LARP7: variants seen among roughly 807,000 people sequenced by gnomAD.
LARP7 encodes the protein la-related protein 7.
In LARP7, 52 loss-of-function variants were observed where a neutral mutation model predicts 69.3. That is an observed-to-expected ratio of 0.75 (90% CI 0.60 to 0.95). LARP7 has a LOEUF of 0.95. Ranked by LOEUF, LARP7 falls within the 40% of genes least tolerant of loss-of-function variation. The pLI is 0.00. For missense variants in LARP7, 733 were observed against 673.0 expected (o/e 1.09, Z -0.99); for synonymous variants, 254 against 215.9 (o/e 1.18, Z -1.55).
intron 1 of LARP7, among the ~76,000 whole-genome samples, chr4:112,638,441 C>T (rs2047799160): frequency 6.6e-6 from 1 of 152,128 alleles, no homozygotes; most frequent in African/African-American, 2.4e-5. Flanking sequence ...ATTTTTCAAC[C>T]CTGTAACTCG....
At position 112,649,664 on chromosome 4, in the gene LARP7, C is replaced by T; in HGVS notation, c.1272C>T (p.Asn424=). The change falls in exon 9 of 13, where the codon AAC becomes AAT. Residue 424 remains asparagine, a synonymous_variant. Coordinates refer to ENST00000344442, the MANE Select transcript of LARP7 (RefSeq NM_016648.4). ...AAACAGACAGTGGAGTACCTCAAAA[C>T]ACTGGAATGAAAAATGAAAAAAGTA... ...EMETDSGVPQ[N]TGMKNEKTAN... 6.3e-7 allele frequency: 1 copy of T among 1,596,624 alleles called. No homozygotes were observed. Among genetic ancestry groups the T allele is most frequent in the Non-Finnish European group, 8.5e-7 (1 of 1,173,236 alleles).
At chr4:112,648,648 T>C (rs540532231) in intron 8 of LARP7, 2 of 419,722 alleles carry the variant, frequency 4.8e-6, no homozygotes, top group Admixed American at 2.9e-5. Flanking sequence ...AAAAAAATTT[T>C]TTTACCTTCC....
At chr4:112,637,305 T>C (rs1560906543) in intron 1 of LARP7, 66 bp downstream of exon 1, 1 of 152,426 alleles carries the variant, frequency 6.6e-6, no homozygotes, top group African/African-American at 2.4e-5. Flanking sequence ...TCCGTCCTTT[T>C]TCTTGCGGTC....
At chr4:112,655,420 G>A (rs888864681) in intron 12 of LARP7, 3 of 152,180 alleles carry the variant, frequency 2.0e-5, no homozygotes, top group South Asian at 2.1e-4. Flanking sequence ...CAGTTATGAC[G>A]TCAGGATTGT....
chr4:112,649,315 A>G (rs962304158), intron 8 of LARP7, among the ~76,000 whole-genome samples: 1 of 152,162 alleles, frequency 6.6e-6, no homozygotes, highest in East Asian at 1.9e-4. Flanking sequence ...TTAATTGGCA[A>G]TCTTAAAACA....
chr4:112,646,482 TTA>T (rs1374988154), intron 3 of LARP7, 31 bp downstream of exon 3: 2 of 1,357,864 alleles, frequency 1.5e-6, no homozygotes, highest in Non-Finnish European at 1.0e-6. Context: ...CTGTTTATAT[TTA>T]TAGTTTATAA....
At chr4:112,652,945 G>T (rs2149284239) in intron 10 of LARP7, 132 bp from the exon 11 acceptor site, 1 of 486,998 alleles carries the variant, frequency 2.1e-6, no homozygotes, top group Non-Finnish European at 3.4e-6. Flanking sequence ...TTTGATACAG[G>T]ATATTTGCTC....
chr4:112,652,615 T>G (rs2048796644), intron 10 of LARP7, among the ~76,000 whole-genome samples: 1 of 152,116 alleles, frequency 6.6e-6, no homozygotes, highest in Non-Finnish European at 1.5e-5. Context: ...TTTCATGAGT[T>G]GTTATTAAAA....
chr4:112,637,658 C>T (rs1013404576), intron 1 of LARP7: 1 of 152,208 alleles, frequency 6.6e-6, no homozygotes, highest in African/African-American at 2.4e-5. Context: ...CTGCCATCGT[C>T]CTCAAAGAGT....
Position 112,647,456 on chromosome 4 carries a change from G to C in LARP7, c.904G>C (p.Asp302His). 1 of 1,614,074 alleles carries C rather than the reference G, an allele frequency of 6.2e-7. No individual in the cohort carries two copies. The highest frequency in any genetic ancestry group is 8.5e-7 in the Non-Finnish European group (1 of 1,179,986). Residue 302 changes from aspartate to histidine, a missense_variant, in exon 7 of 13, where the codon GAT becomes CAT. Coordinates refer to ENST00000344442, the MANE Select transcript of LARP7 (RefSeq NM_016648.4). ...TGKRKRSSSEDAESLAPRSKV... is the reference protein window; with the variant it reads ...TGKRKRSSSEHAESLAPRSKV... Reference sequence around the variant, plus strand: ...GAAGAGGAAGAGAAGCAGCTCTGAAGATGCAGAATCCCTAGCTCCCCGATC... The same window carrying C: ...GAAGAGGAAGAGAAGCAGCTCTGAACATGCAGAATCCCTAGCTCCCCGATC...
At chr4:112,644,913 TG>T in intron 2 of LARP7, 42 bp downstream of exon 2, 1 of 961,542 alleles carries the variant, frequency 1.0e-6, no homozygotes, top group Non-Finnish European at 1.5e-6. Context: ...TAGATATGGT[TG>T]CCTTTAAATT....
At chr4:112,651,485 ATAC>A (rs1387713361) in intron 10 of LARP7, among the ~76,000 whole-genome samples, 5 of 152,228 alleles carry the variant, frequency 3.3e-5, no homozygotes, top group African/African-American at 4.8e-5. Flanking sequence ...AGGGATGTAA[ATAC>A]TGCTCTGATT....
At position 112,647,422 on chromosome 4, in the gene LARP7, C is replaced by A; in HGVS notation, c.870C>A (p.Val290=). The A allele has an allele frequency of 6.2e-7, 1 of 1,614,000 alleles. No homozygotes were observed. The highest frequency in any genetic ancestry group is 1.1e-5 in the South Asian group (1 of 91,074). ...DRVEASSLPE[V]RTGKRKRSSS... is the part of the protein sequence containing the mutation. ...TTGAAGCATCTAGCTTACCTGAAGT[C>A]AGAACAGGGAAGAGGAAGAGAAGCA... The change falls in exon 7 of 13, where the codon GTC becomes GTA. Residue 290 remains valine (V), a synonymous_variant. Coordinates refer to ENST00000344442, the MANE Select transcript of LARP7 (RefSeq NM_016648.4).
chr4:112,645,651 C>T (rs1243446777), intron 2 of LARP7: 1 of 453,308 alleles, frequency 2.2e-6, no homozygotes, highest in Admixed American at 2.4e-5. Context: ...TCCCCAGTAG[C>T]TGAGAACACA....
chr4:112,642,774 T>C (rs1180317344), intron 1 of LARP7, among the ~76,000 whole-genome samples: 2 of 152,240 alleles, frequency 1.3e-5, no homozygotes, highest in South Asian at 2.1e-4. Flanking sequence ...CCATGGTGTA[T>C]TTAGGACACT....
intron 10 of LARP7, 52 bp downstream of exon 10, chr4:112,650,634 C>T: frequency 6.5e-7 from 1 of 1,536,804 alleles, no homozygotes; most frequent in African/African-American, 1.4e-5. Context: ...CTTATTATTT[C>T]CCTGTGTGAA....
At chr4:112,645,746 T>G (rs1269325483) in intron 2 of LARP7, 1 of 376,786 alleles carries the variant, frequency 2.7e-6, no homozygotes, top group Non-Finnish European at 5.2e-6. Context: ...GGTCTTGAGC[T>G]CCTGAGCTCA....
intron 10 of LARP7, among the ~76,000 whole-genome samples, chr4:112,651,243 T>G (rs2048718996): frequency 6.6e-6 from 1 of 152,202 alleles, no homozygotes; most frequent in African/African-American, 2.4e-5. Flanking sequence ...TCATCATCAC[T>G]TAGTATGTTG....
At chr4:112,650,428 AT>A in intron 9 of LARP7, 32 bp from the exon 10 acceptor site, 1 of 1,611,612 alleles carries the variant, frequency 6.2e-7, no homozygotes, top group Non-Finnish European at 8.5e-7. Context: ...AGTGTAAGAG[AT>A]TTAGTCCTGG....
Sources: allele counts gnomAD v4.1 joint callset (sites outside exome capture counted in the v4.1 genomes callset), GRCh38; gene constraint gnomAD v4.1.1; transcripts MANE v1.5; gene names NCBI Gene and HGNC (gene_info 2026-07-23, HGNC 2026-07-21).